SORCS1: variants seen among roughly 807,000 people sequenced by gnomAD.
SORCS1 encodes the protein VPS10 domain-containing receptor SorCS1.
In SORCS1, 60 loss-of-function variants were observed where a neutral mutation model predicts 146.1. The ratio of observed to expected loss-of-function variants is 0.41; its 90% CI spans 0.33 to 0.51. SORCS1 has a LOEUF of 0.51. SORCS1 is among the 20% of genes least tolerant of loss of function. The pLI is 0.21. For missense variants in SORCS1, 1,352 were observed against 1,487.6 expected, an observed-to-expected ratio of 0.91 and a Z score of 1.50; for synonymous variants, 637 against 584.0, an observed-to-expected ratio of 1.09 and a Z score of -1.31.
chr10:106,707,939 TATC>T (rs1433505833), intron 7 of SORCS1, among the ~76,000 whole-genome samples: 1 of 152,210 alleles, frequency 6.6e-6, no homozygotes, highest in Non-Finnish European at 1.5e-5. Flanking sequence ...CTTGGAAAGT[TATC>T]ATCTTCACCG....
intron 1 of SORCS1, among the ~76,000 whole-genome samples, chr10:107,098,703 C>T (rs573569623): frequency 6.6e-6 from 1 of 152,264 alleles, no homozygotes; most frequent in Non-Finnish European, 1.5e-5. Context: ...AAATTAGTTC[C>T]TTGAAGATAT....
chr10:107,044,896 G>A (rs1959234206), intron 1 of SORCS1, among the ~76,000 whole-genome samples: 1 of 152,010 alleles, frequency 6.6e-6, no homozygotes, highest in Non-Finnish European at 1.5e-5. Context: ...GATGGAAAGG[G>A]GTGTCAGTTT....
intron 1 of SORCS1, among the ~76,000 whole-genome samples, chr10:106,989,747 C>T (rs1370704459): frequency 2.2e-5 from 3 of 138,302 alleles, no homozygotes; most frequent in East Asian, 4.2e-4. Context: ...AGTGCAGTGG[C>T]GCGATCTCGG....
intron 1 of SORCS1, among the ~76,000 whole-genome samples, chr10:107,059,335 T>G (rs146346706): frequency 1.3e-5 from 2 of 152,230 alleles, no homozygotes; most frequent in African/African-American, 4.8e-5. Flanking sequence ...TCGCTGAAAC[T>G]GTGACATGAT....
chr10:106,678,314 C>T (rs1173349433), intron 12 of SORCS1, among the ~76,000 whole-genome samples: 1 of 152,180 alleles, frequency 6.6e-6, no homozygotes, highest in African/African-American at 2.4e-5. Flanking sequence ...CAGGTTTCTA[C>T]ATACCTCCAA....
chr10:106,604,405 A>G (rs1457639055), intron 23 of SORCS1, among the ~76,000 whole-genome samples: 1 of 152,138 alleles, frequency 6.6e-6, no homozygotes, highest in Non-Finnish European at 1.5e-5. Flanking sequence ...CCTTGGTTTA[A>G]TAAGTTGATT....
rs570032804 is a variant in SORCS1 at position 107,148,387 on chromosome 10, G to A, written c.558+15582C>T. Among the ~76,000 whole-genome samples, 3 of 152,350 alleles carry A rather than the reference G, an allele frequency of 2.0e-5. No individual in the cohort carries two copies. In the South Asian group the frequency reaches 6.2e-4, roughly 32 times the overall value. On this transcript the variant is annotated intron_variant, in intron 1 of 25. Coordinates refer to ENST00000263054, the MANE Select transcript of SORCS1 (RefSeq NM_052918.5). ...AGCCATAGACAATATGTCAATGAATGAGTGTGGCCATGTTCCAGTAAGATT... is the reference window on the plus strand; with the variant it reads ...AGCCATAGACAATATGTCAATGAATAAGTGTGGCCATGTTCCAGTAAGATT...
intron 3 of SORCS1, among the ~76,000 whole-genome samples, chr10:106,787,101 G>A (rs1273521699): frequency 6.6e-6 from 1 of 152,134 alleles, no homozygotes; most frequent in Non-Finnish European, 1.5e-5. Context: ...GTGTGCCTAA[G>A]CAACTCTCTA....
chr10:107,033,412 G>A (rs558598804), intron 1 of SORCS1, among the ~76,000 whole-genome samples: 3 of 152,224 alleles, frequency 2.0e-5, no homozygotes, highest in African/African-American at 4.8e-5. Context: ...ATGCTTTCCC[G>A]ATCTTATTTT....
chr10:106,855,134 A>G (rs1381902513), intron 2 of SORCS1, among the ~76,000 whole-genome samples: 1 of 152,140 alleles, frequency 6.6e-6, no homozygotes, highest in East Asian at 1.9e-4. Context: ...ATAGTTTTGC[A>G]GGGTACAGAA....
chr10:107,056,131 C>T (rs1342350378), intron 1 of SORCS1, among the ~76,000 whole-genome samples: 1 of 152,088 alleles, frequency 6.6e-6, no homozygotes, highest in African/African-American at 2.4e-5. Context: ...GTCGGGGGGG[C>T]TTCAATCACA....
At chr10:106,883,877 G>A (rs890185983) in intron 2 of SORCS1, among the ~76,000 whole-genome samples, 1 of 152,164 alleles carries the variant, frequency 6.6e-6, no homozygotes, top group Admixed American at 6.5e-5. Context: ...GAAGAACCTG[G>A]CTTGTTCACT....
At chr10:107,029,021 C>T (rs1958528463) in intron 1 of SORCS1, among the ~76,000 whole-genome samples, 1 of 152,152 alleles carries the variant, frequency 6.6e-6, no homozygotes, top group Non-Finnish European at 1.5e-5. Flanking sequence ...ATCATTAAGT[C>T]AGTCCAGTTA....
intron 21 of SORCS1, among the ~76,000 whole-genome samples, chr10:106,617,081 A>T (rs1847418550): frequency 6.6e-6 from 1 of 151,752 alleles, no homozygotes; most frequent in East Asian, 1.9e-4. Context: ...CAGCCTCCTG[A>T]GTAGCTGGGA....
At chr10:107,122,983 G>A (rs1379410993) in intron 1 of SORCS1, among the ~76,000 whole-genome samples, 1 of 149,340 alleles carries the variant, frequency 6.7e-6, no homozygotes, top group East Asian at 2.0e-4. Context: ...TCACATTTAA[G>A]ATGAGAAATC....
At chr10:106,725,768 C>G (rs886635758) in intron 6 of SORCS1, among the ~76,000 whole-genome samples, 3 of 150,206 alleles carry the variant, frequency 2.0e-5, no homozygotes, top group Non-Finnish European at 3.0e-5. Context: ...CCATCTCTAC[C>G]AAAAATACAA....
chr10:107,113,583 G>A (rs1565061500), intron 1 of SORCS1, among the ~76,000 whole-genome samples: 1 of 151,590 alleles, frequency 6.6e-6, no homozygotes. Context: ...CCAGCTACTT[G>A]GGAGGCTGAG....
At chr10:106,691,281 C>T (rs1052909350) in intron 9 of SORCS1, among the ~76,000 whole-genome samples, 1 of 152,160 alleles carries the variant, frequency 6.6e-6, no homozygotes, top group Non-Finnish European at 1.5e-5. Context: ...ACAAACCTCC[C>T]ATGGGAATGG....
intron 5 of SORCS1, among the ~76,000 whole-genome samples, chr10:106,731,310 A>G (rs1222469870): frequency 2.8e-4 from 43 of 151,006 alleles, no homozygotes; most frequent in Admixed American, 2.6e-3. Flanking sequence ...AAAAAAAAAA[A>G]AAAAAAAAAA....
Sources: allele counts gnomAD v4.1 joint callset (sites outside exome capture counted in the v4.1 genomes callset), GRCh38; gene constraint gnomAD v4.1.1; transcripts MANE v1.5; gene names NCBI Gene and HGNC (gene_info 2026-07-23, HGNC 2026-07-21).